MITF: variants seen among roughly 807,000 people sequenced by gnomAD.
The protein encoded by MITF is microphthalmia-associated transcription factor.
MITF carries 17 observed loss-of-function variants against 60.5 expected under a neutral mutation model. The ratio of observed to expected loss-of-function variants is 0.28; its 90% CI spans 0.19 to 0.42. The LOEUF is 0.42. MITF is among the 10% of genes least tolerant of loss of function. MITF has a pLI of 1.00. For missense variants in MITF, 622 were observed against 683.5 expected (o/e 0.91, Z 1.00); for synonymous variants, 260 against 248.5 (o/e 1.05, Z -0.43).
At chr3:69,871,503 C>T (rs549071868) in intron 1 of MITF, among the ~76,000 whole-genome samples, 4 of 152,190 alleles carry the variant, frequency 2.6e-5, no homozygotes, top group Non-Finnish European at 5.9e-5. Context: ...GCTATAAATG[C>T]CATGTGGCCA....
chr3:69,918,847 T>G (rs533662818), intron 2 of MITF, among the ~76,000 whole-genome samples: 8 of 152,230 alleles, frequency 5.3e-5, no homozygotes, highest in Non-Finnish European at 1.2e-4. Context: ...TGTTACAACT[T>G]ATTCTCATAC....
rs564685675 is a variant in MITF, at chr3:69,936,841, T to A, written c.355-981T>A. Reference sequence around the variant, plus strand: ...CCACTTTTTGTTATTGTAATAGACATACTGTTTTCAATAAGTATAAATCTG... The same window carrying A: ...CCACTTTTTGTTATTGTAATAGACAAACTGTTTTCAATAAGTATAAATCTG... On this transcript the variant is annotated intron_variant, in intron 2 of 9. Transcript: ENST00000352241. 2.6e-5 allele frequency: 33 copies of A among 1,258,574 alleles called. No homozygotes were observed. The African/African-American group carries it at 4.7e-4, about 18-fold the overall frequency. The allele number at this position is 1,258,574 out of a possible 1,614,324, so 78.0% of individuals were successfully genotyped here. A position where few individuals can be genotyped will look rare whatever the true frequency, so the allele number is the denominator to read the frequency against.
intron 5 of MITF, among the ~76,000 whole-genome samples, chr3:69,947,160 C>G (rs1312749314): frequency 4.6e-5 from 7 of 152,128 alleles, no homozygotes; most frequent in Non-Finnish European, 7.4e-5. Flanking sequence ...CTATGAAAAC[C>G]ATATGTGTGA....
chr3:69,921,861 A>G (rs2065474605), intron 2 of MITF, among the ~76,000 whole-genome samples: 1 of 152,186 alleles, frequency 6.6e-6, no homozygotes, highest in Non-Finnish European at 1.5e-5. Context: ...GGGACGAAAG[A>G]GTCTTTGTTT....
intron 1 of MITF, among the ~76,000 whole-genome samples, chr3:69,789,828 C>T (rs564318176): frequency 6.6e-6 from 1 of 152,226 alleles, no homozygotes; most frequent in Admixed American, 6.5e-5. Context: ...TGCACTGCAG[C>T]CTGGGCAACA....
intron 1 of MITF, among the ~76,000 whole-genome samples, chr3:69,788,131 T>C (rs1162523060): frequency 2.0e-5 from 3 of 148,462 alleles, no homozygotes; most frequent in Non-Finnish European, 4.5e-5. Flanking sequence ...ATTTTCTTTT[T>C]CTTTTTTTTT....
chr3:69,939,233 T>C, intron 4 of MITF, 52 bp downstream of exon 4: 2 of 1,510,922 alleles, frequency 1.3e-6, no homozygotes, highest in Non-Finnish European at 1.8e-6. Context: ...TGAGAATCTA[T>C]ATTTGTGGTG....
intron 1 of MITF, among the ~76,000 whole-genome samples, chr3:69,811,897 A>G (rs772078217): frequency 1.3e-5 from 2 of 152,184 alleles, no homozygotes; most frequent in African/African-American, 4.8e-5. Context: ...AGACAGAGAG[A>G]CGGACAGGAG....
chr3:69,833,704 G>A (rs1415688718), intron 1 of MITF, among the ~76,000 whole-genome samples: 1 of 101,946 alleles, frequency 9.8e-6, no homozygotes, highest in African/African-American at 3.2e-5. Flanking sequence ...CACTGTATGT[G>A]GTTCTCTGTT....
In MITF at chr3:69,878,726, T is replaced by C. The variant is rs571014850; in HGVS notation, c.105-408T>C. On this transcript the variant is annotated intron_variant, in intron 1 of 9. Transcript: ENST00000352241. ...CTTAGATAACATGTAGGAGTAGTTA[T>C]TTGGTTAGATTCAGTTATACAAAAA... Among the ~76,000 whole-genome samples the C allele has an allele frequency of 1.2e-4, 19 of 152,310 alleles. 1 individual carries two copies. The highest frequency in any genetic ancestry group is 3.4e-3 in the Middle Eastern group (1 of 294).
chr3:69,899,140 G>A (rs1559706190), intron 2 of MITF, among the ~76,000 whole-genome samples: 1 of 152,226 alleles, frequency 6.6e-6, no homozygotes, highest in Non-Finnish European at 1.5e-5. Context: ...AGTGATCTTG[G>A]AGCTGAAGGA....
intron 1 of MITF, among the ~76,000 whole-genome samples, chr3:69,833,555 G>A (rs1163946913): frequency 1.4e-5 from 2 of 143,442 alleles, no homozygotes; most frequent in East Asian, 4.4e-4. Flanking sequence ...GTTTTTCTAT[G>A]TACACTGTAT....
chr3:69,947,616 A>G (rs1020236921), intron 5 of MITF, among the ~76,000 whole-genome samples: 1 of 152,116 alleles, frequency 6.6e-6, no homozygotes, highest in East Asian at 1.9e-4. Context: ...GTATGGGGGT[A>G]TGTGTATTAG....
chr3:69,896,496 C>A (rs1041482733), intron 2 of MITF, among the ~76,000 whole-genome samples: 1 of 152,214 alleles, frequency 6.6e-6, no homozygotes, highest in Admixed American at 6.5e-5. Context: ...GTGTTTAAGG[C>A]TGTCTGGGAT....
chr3:69,944,290 T>C (rs1576018572), intron 5 of MITF, among the ~76,000 whole-genome samples: 1 of 152,042 alleles, frequency 6.6e-6, no homozygotes, highest in South Asian at 2.1e-4. Flanking sequence ...GTGACTAAGG[T>C]GTGCTTCCTG....
At chr3:69,938,691 T>G (rs746431962) in intron 3 of MITF, 30 of 1,304,508 alleles carry the variant, frequency 2.3e-5, no homozygotes, top group Non-Finnish European at 2.8e-5. Flanking sequence ...TGCATCAAAA[T>G]TTGCAGCATA....
chr3:69,829,274 A>G (rs2063407040), intron 1 of MITF, among the ~76,000 whole-genome samples: 1 of 152,218 alleles, frequency 6.6e-6, no homozygotes, highest in Non-Finnish European at 1.5e-5. Context: ...ACGGTTTAGA[A>G]GCATTGATGA....
intron 7 of MITF, among the ~76,000 whole-genome samples, chr3:69,953,268 A>G (rs567358309): frequency 2.0e-5 from 3 of 152,248 alleles, no homozygotes; most frequent in African/African-American, 7.2e-5. Flanking sequence ...CATTATCCAA[A>G]ACTACTTAAG....
At chr3:69,936,149 T>C (rs573014800) in intron 2 of MITF, among the ~76,000 whole-genome samples, 1 of 152,284 alleles carries the variant, frequency 6.6e-6, no homozygotes, top group African/African-American at 2.4e-5. Context: ...GCTGTTGAAC[T>C]TGAACATTCA....
Sources: allele counts gnomAD v4.1 joint callset (sites outside exome capture counted in the v4.1 genomes callset), GRCh38; gene constraint gnomAD v4.1.1; transcripts MANE v1.5; gene names NCBI Gene and HGNC (gene_info 2026-07-23, HGNC 2026-07-21).